DIAPH2: variants seen among roughly 807,000 people sequenced by gnomAD.
The protein encoded by DIAPH2 is diaphanous related formin 2.
Under a neutral mutation model 92.7 loss-of-function variants are expected in DIAPH2, and 35 were observed. The observed-to-expected ratio is 0.38, with a 90% confidence interval of 0.29 to 0.50. The LOEUF (loss-of-function observed/expected upper bound fraction) is 0.50, where lower values mean the gene tolerates loss of function less well. Among genes scored for constraint, DIAPH2 ranks in the 20% least tolerant of loss-of-function variants. The probability of loss-of-function intolerance (pLI) is 0.94; values close to 1 mark genes in which losing one functional copy is unlikely to be tolerated. For missense variants in DIAPH2, 701 were observed against 819.5 expected (o/e 0.86, Z 1.77); for synonymous variants, 301 against 280.4 (o/e 1.07, Z -0.73).
At chrX:97,254,925 C>T (rs1053423493) in intron 23 of DIAPH2, among the ~76,000 whole-genome samples, 4 of 109,820 alleles carry the variant, frequency 3.6e-5, no homozygotes, top group Non-Finnish European at 7.6e-5. Context: ...AGGCTGGTCT[C>T]GAACTCCTGA....
At chrX:96,851,603 T>TA (rs2065006811) in intron 4 of DIAPH2, among the ~76,000 whole-genome samples, 1 of 112,304 alleles carries the variant, frequency 8.9e-6, no homozygotes, top group East Asian at 2.8e-4. Context: ...GATTAGCAGC[T>TA]ATACTGTATT....
chrX:97,401,901 T>C (rs2083447143), intron 25 of DIAPH2, among the ~76,000 whole-genome samples: 1 of 112,782 alleles, frequency 8.9e-6, no homozygotes, highest in African/African-American at 3.2e-5. Flanking sequence ...TCTATGTTAC[T>C]TGTGCTGAAC....
In DIAPH2 at chrX:96,942,123, A is replaced by C. The variant is rs753254827; in HGVS notation, c.1431A>C (p.Leu477Phe). ...FKYRQRLDID[L>F]THLIDSCVNK... Reference sequence around the variant, plus strand: ...ACAGGCAAAGATTAGACATCGATTTAACTCATCTGATAGGTATGTATCATA... The same window carrying C: ...ACAGGCAAAGATTAGACATCGATTTCACTCATCTGATAGGTATGTATCATA... Residue 477 changes from leucine to phenylalanine, a missense_variant, in exon 13 of 27, where the codon TTA (leucine) becomes TTC (phenylalanine). Leu to Phe is a conservative substitution (Grantham distance 22). Around this residue, in one of 3 missense-constraint regions of DIAPH2, gnomAD observed 536 missense variants for 599.3 expected, o/e 0.89. Transcript: ENST00000324765. 3.6e-6 allele frequency: 4 copies of C among 1,118,572 alleles called. No homozygotes were observed. 92.2% of individuals were successfully genotyped at this position (1,118,572 alleles called of 1,213,427 possible).
At chrX:97,112,791 T>TTTTTTTTTTTG (rs2066991084) in intron 20 of DIAPH2, among the ~76,000 whole-genome samples, 1 of 81,949 alleles carries the variant, frequency 1.2e-5, no homozygotes, top group African/African-American at 4.9e-5. Flanking sequence ...TTTTTTTTTT[T>TTTTTTTTTTTG]TTTTGAGACA....
chrX:96,811,301 T>G (rs2064678634), intron 4 of DIAPH2, among the ~76,000 whole-genome samples: 1 of 111,815 alleles, frequency 8.9e-6, no homozygotes, highest in African/African-American at 3.3e-5. Context: ...AGTTCACTCA[T>G]GATTTGGCTC....
intron 26 of DIAPH2, among the ~76,000 whole-genome samples, chrX:97,501,517 A>G (rs914543300): frequency 1.8e-5 from 2 of 112,117 alleles, no homozygotes; most frequent in African/African-American, 6.5e-5. Flanking sequence ...TTTGTCTTCT[A>G]CATAGTGACA....
intron 26 of DIAPH2, among the ~76,000 whole-genome samples, chrX:97,592,205 A>G (rs1377740093): frequency 8.9e-6 from 1 of 112,035 alleles, no homozygotes; most frequent in Admixed American, 9.5e-5. Flanking sequence ...TTTTACTTTT[A>G]TCAGGTATTT....
intron 23 of DIAPH2, among the ~76,000 whole-genome samples, chrX:97,250,784 A>AGTATC (rs1338846108): frequency 8.9e-6 from 1 of 111,909 alleles, no homozygotes; most frequent in East Asian, 2.8e-4. Flanking sequence ...CGATACTGTC[A>AGTATC]GTGTTAGGCT....
At chrX:96,780,380 A>G (rs2064407350) in intron 4 of DIAPH2, among the ~76,000 whole-genome samples, 1 of 112,482 alleles carries the variant, frequency 8.9e-6, no homozygotes, top group Non-Finnish European at 1.9e-5. Flanking sequence ...AATTTAGTAT[A>G]CCCATTATTT....
At position 96,706,658 on chromosome X, in the gene DIAPH2, A is replaced by G. The variant is rs147487030; in HGVS notation, c.132+21468A>G. The stretch of plus-strand genomic sequence containing the variant: ...GGACATCATTGCGAGGTACTGAAGT[A>G]TAGCTTGCTATGGAGCAGAGACTCT... On this transcript the variant is annotated intron_variant, in intron 1 of 26. Coordinates refer to ENST00000324765, the MANE Select transcript of DIAPH2 (RefSeq NM_006729.5). Among the ~76,000 whole-genome samples, 142 of 111,732 alleles carry G rather than the reference A, an allele frequency of 1.3e-3. No homozygotes were observed. The Middle Eastern group carries it at 0.014, about 11-fold the overall frequency.
intron 16 of DIAPH2, among the ~76,000 whole-genome samples, chrX:96,962,486 CACACACACACATATATAT>C (rs1366250127): frequency 3.1e-4 from 7 of 22,774 alleles, no homozygotes; most frequent in African/African-American, 1.0e-3. Flanking sequence ...TATACACACA[CACACACACACATATATAT>C]ATATATATAT....
intron 2 of DIAPH2, among the ~76,000 whole-genome samples, chrX:96,736,560 C>T (rs935244063): frequency 1.8e-5 from 2 of 111,136 alleles, no homozygotes; most frequent in African/African-American, 6.6e-5. Flanking sequence ...GTGCCCACCA[C>T]CACGCCTGGC....
At chrX:96,787,715 G>C (rs1227798039) in intron 4 of DIAPH2, among the ~76,000 whole-genome samples, 3 of 77,292 alleles carry the variant, frequency 3.9e-5, no homozygotes, top group Non-Finnish European at 6.9e-5. Context: ...TTTTGAGACA[G>C]AGTCTCACTC....
At chrX:97,053,373 C>T (rs193267645) in intron 17 of DIAPH2, among the ~76,000 whole-genome samples, 111 of 111,637 alleles carry the variant, frequency 9.9e-4, no homozygotes, top group African/African-American at 3.3e-3. Context: ...GTTCAGTTCT[C>T]TTCACAGGTA....
intron 4 of DIAPH2, among the ~76,000 whole-genome samples, chrX:96,867,172 C>T (rs1407402756): frequency 8.9e-6 from 1 of 111,801 alleles, no homozygotes. Context: ...AAAGTCTATA[C>T]GCTCAAGTAC....
chrX:96,906,313 T>A (rs2065433865), intron 5 of DIAPH2, among the ~76,000 whole-genome samples: 1 of 111,912 alleles, frequency 8.9e-6, no homozygotes, highest in African/African-American at 3.2e-5. Flanking sequence ...ATTTTAGTCA[T>A]CTGCATGTTT....
chrX:97,132,414 C>A (rs2067143891), intron 21 of DIAPH2, among the ~76,000 whole-genome samples: 1 of 111,508 alleles, frequency 9.0e-6, no homozygotes. Flanking sequence ...TAAACCTGTC[C>A]GGTCATAGCT....
At chrX:97,415,500 T>A (rs1301595416) in intron 25 of DIAPH2, among the ~76,000 whole-genome samples, 1 of 111,705 alleles carries the variant, frequency 9.0e-6, no homozygotes, top group Non-Finnish European at 1.9e-5. Flanking sequence ...TGGCACATAT[T>A]CACCATGAAA....
intron 3 of DIAPH2, among the ~76,000 whole-genome samples, chrX:96,742,288 C>T (rs1285133430): frequency 1.8e-5 from 2 of 112,042 alleles, no homozygotes; most frequent in Non-Finnish European, 3.8e-5. Flanking sequence ...CCCACCTCCA[C>T]TGATACCACA....
Sources: gnomAD v4.1 joint callset for allele counts (sites outside exome capture counted in the v4.1 genomes callset) on GRCh38, gnomAD v4.1.1 for gene constraint, gnomAD v4.1.1 regional missense constraint, MANE v1.5 for transcripts, NCBI Gene and HGNC (gene_info 2026-07-23, HGNC 2026-07-21) for gene names.